PAX5: variants seen among roughly 807,000 people sequenced by gnomAD.
The protein encoded by PAX5 is paired box protein Pax-5.
Under a neutral mutation model 43.7 loss-of-function variants are expected in PAX5, and 9 were observed. The ratio of observed to expected loss-of-function variants is 0.21; its 90% CI spans 0.12 to 0.36. The LOEUF (loss-of-function observed/expected upper bound fraction) is 0.36. PAX5 is among the 10% of genes least tolerant of loss of function. The pLI is 1.00. For synonymous variants in PAX5, 228 were observed against 214.3 expected (o/e 1.06, Z -0.56); for missense variants, 383 against 532.7 (o/e 0.72, Z 2.77).
At position 36,840,495 on chromosome 9, in the gene PAX5, A is replaced by G; in HGVS notation, c.*65T>C. 6.8e-7 allele frequency: 1 copy of G among 1,475,482 alleles called. No homozygotes were observed. 91.4% of individuals were successfully genotyped at this position (1,475,482 alleles called of 1,614,324 possible). ...CATGGGCTCTCTGGCTATCTTCAGG[A>G]GGGCTGGGTGGCTGTCACCCTCAAT... is the stretch of plus-strand genomic sequence containing the variant. On this transcript the variant is annotated 3_prime_UTR_variant, in exon 10 of 10. Coordinates refer to ENST00000358127, the MANE Select transcript of PAX5 (RefSeq NM_016734.3).
chr9:36,878,990 A>G (rs1344399517), intron 8 of PAX5, among the ~76,000 whole-genome samples: 2 of 152,220 alleles, frequency 1.3e-5, no homozygotes, highest in African/African-American at 4.8e-5. Flanking sequence ...GAGATGCAGA[A>G]GGAAAGAATG....
chr9:36,935,496 C>T (rs1399520581), intron 6 of PAX5, among the ~76,000 whole-genome samples: 1 of 152,180 alleles, frequency 6.6e-6, no homozygotes, highest in Non-Finnish European at 1.5e-5. Context: ...GCCTGCCAGG[C>T]CCCCCTCAGG....
At chr9:36,936,900 C>G (rs745365543) in intron 6 of PAX5, among the ~76,000 whole-genome samples, 1 of 152,110 alleles carries the variant, frequency 6.6e-6, no homozygotes, top group Non-Finnish European at 1.5e-5. Context: ...CACCTCTCTG[C>G]CCTTCCGCTC....
chr9:36,985,199 C>T (rs1171354312), intron 5 of PAX5, among the ~76,000 whole-genome samples: 1 of 152,188 alleles, frequency 6.6e-6, no homozygotes, highest in Non-Finnish European at 1.5e-5. Flanking sequence ...CCAGGGATCT[C>T]TGAGTGCCAT....
intron 5 of PAX5, among the ~76,000 whole-genome samples, chr9:36,992,024 G>A (rs1836986238): frequency 6.6e-6 from 1 of 151,962 alleles, no homozygotes; most frequent in African/African-American, 2.4e-5. Context: ...AATGCCCCAA[G>A]GAAGGACTAA....
At chr9:36,969,531 G>A (rs1479465505) in intron 5 of PAX5, among the ~76,000 whole-genome samples, 1 of 152,240 alleles carries the variant, frequency 6.6e-6, no homozygotes, top group Non-Finnish European at 1.5e-5. Flanking sequence ...CACACAGGGG[G>A]TGTTAGGAGA....
chr9:36,941,075 G>A (rs937227176), intron 6 of PAX5, among the ~76,000 whole-genome samples: 3 of 152,204 alleles, frequency 2.0e-5, no homozygotes, highest in Admixed American at 6.5e-5. Flanking sequence ...ATATTGGAAG[G>A]CAGCTGTAGG....
intron 6 of PAX5, among the ~76,000 whole-genome samples, chr9:36,947,753 AC>A: frequency 6.6e-6 from 1 of 151,202 alleles, no homozygotes; most frequent in Admixed American, 6.6e-5. Context: ...CAAAACCATC[AC>A]CCCCACCCCC....
At chr9:37,030,343 C>T (rs1840859501) in intron 1 of PAX5, among the ~76,000 whole-genome samples, 1 of 152,198 alleles carries the variant, frequency 6.6e-6, no homozygotes, top group South Asian at 2.1e-4. Flanking sequence ...TTACAGGTCA[C>T]CAAACGACAG....
chr9:37,016,621 T>C (rs552478298), intron 2 of PAX5, among the ~76,000 whole-genome samples: 1 of 152,248 alleles, frequency 6.6e-6, no homozygotes, highest in Admixed American at 6.5e-5. Context: ...TCTCTCTCAA[T>C]ATTTACAGAA....
chr9:36,872,021 G>A (rs556992876), intron 8 of PAX5, among the ~76,000 whole-genome samples: 1 of 152,316 alleles, frequency 6.6e-6, no homozygotes, highest in East Asian at 1.9e-4. Context: ...TTCAAAGATG[G>A]AACAAATGAT....
chr9:36,885,868 C>G (rs577298699), intron 7 of PAX5, among the ~76,000 whole-genome samples: 1 of 152,136 alleles, frequency 6.6e-6, no homozygotes, highest in African/African-American at 2.4e-5. Flanking sequence ...TTTTTAAAAC[C>G]AAATAAATTC....
At chr9:36,864,787 G>GC (rs1824680623) in intron 8 of PAX5, among the ~76,000 whole-genome samples, 1 of 152,234 alleles carries the variant, frequency 6.6e-6, no homozygotes, top group Non-Finnish European at 1.5e-5. Flanking sequence ...GTCTAGAGGT[G>GC]CCCCTCGGAG....
intron 6 of PAX5, among the ~76,000 whole-genome samples, chr9:36,938,969 C>T (rs1313278485): frequency 6.6e-6 from 1 of 152,210 alleles, no homozygotes; most frequent in African/African-American, 2.4e-5. Context: ...GCGGATGATC[C>T]ATATATCAGA....
intron 5 of PAX5, among the ~76,000 whole-genome samples, chr9:36,973,530 T>G (rs534474229): frequency 6.6e-6 from 1 of 152,116 alleles, no homozygotes; most frequent in Admixed American, 6.6e-5. Context: ...ACCTATAAAG[T>G]AGACACCCAC....
At chr9:36,891,914 T>C (rs756188091) in intron 7 of PAX5, among the ~76,000 whole-genome samples, 2 of 152,202 alleles carry the variant, frequency 1.3e-5, no homozygotes, top group Admixed American at 6.5e-5. Flanking sequence ...CACTCCTTCC[T>C]CTGAATTGAC....
chr9:37,032,211 T>C (rs934803998), intron 1 of PAX5, among the ~76,000 whole-genome samples: 2 of 152,184 alleles, frequency 1.3e-5, no homozygotes, highest in Middle Eastern at 6.3e-3. Context: ...AATGCTTTAT[T>C]GATTAAATGA....
chr9:36,996,202 G>A (rs965196089), intron 5 of PAX5, among the ~76,000 whole-genome samples: 2 of 152,242 alleles, frequency 1.3e-5, no homozygotes, highest in African/African-American at 4.8e-5. Context: ...CGGGCCTCAC[G>A]TCCTCAAACA....
At chr9:36,914,197 C>T (rs192912402) in intron 7 of PAX5, among the ~76,000 whole-genome samples, 31 of 152,288 alleles carry the variant, frequency 2.0e-4, no homozygotes, top group Non-Finnish European at 2.4e-4. Flanking sequence ...GTGAGAAATC[C>T]GTTTACAAGT....
Sources: gnomAD v4.1 joint callset for allele counts (sites outside exome capture counted in the v4.1 genomes callset) on GRCh38, gnomAD v4.1.1 for gene constraint, MANE v1.5 for transcripts, NCBI Gene and HGNC (gene_info 2026-07-23, HGNC 2026-07-21) for gene names.